Variants in CFDP1 observed in about 807,000 individuals in gnomAD.
CFDP1 encodes chromatin remodeling protein CFDP1, also known as heterochromatin-stabilizing protein CFDP1.
A neutral mutation model predicts 40.1 loss-of-function variants in CFDP1; 31 were observed. The observed-to-expected ratio is 0.77, with a 90% CI of 0.58 to 1.04. CFDP1 has a LOEUF of 1.04. CFDP1 is among the 50% of genes least tolerant of loss of function. The probability of loss-of-function intolerance (pLI) is 0.00; values close to 1 mark genes in which losing one functional copy is unlikely to be tolerated. For missense variants in CFDP1, 423 were observed against 343.4 expected (o/e 1.23, Z -1.83); for synonymous variants, 167 against 120.0 (o/e 1.39, Z -2.56).
chr16:75,363,608 C>T (rs1213065326), intron 5 of CFDP1, among the ~76,000 whole-genome samples: 1 of 152,012 alleles, frequency 6.6e-6, no homozygotes, highest in African/African-American at 2.4e-5. Flanking sequence ...GTTGGTCAGG[C>T]TGATCTCAAA....
intron 5 of CFDP1, among the ~76,000 whole-genome samples, chr16:75,385,425 T>G (rs1323935441): frequency 1.3e-5 from 2 of 152,132 alleles, no homozygotes; most frequent in Non-Finnish European, 1.5e-5. Context: ...ATTTTTACTT[T>G]CTTATTTGTA....
At chr16:75,354,739 C>A (rs2078635615) in intron 5 of CFDP1, among the ~76,000 whole-genome samples, 1 of 152,176 alleles carries the variant, frequency 6.6e-6, no homozygotes, top group African/African-American at 2.4e-5. Context: ...AACAGGGTAT[C>A]CGCAACTGGA....
intron 5 of CFDP1, among the ~76,000 whole-genome samples, chr16:75,345,320 G>C (rs1268717851): frequency 6.6e-6 from 1 of 152,186 alleles, no homozygotes; most frequent in African/African-American, 2.4e-5. Flanking sequence ...AGCTGGGCAT[G>C]GTGGTACATG....
chr16:75,421,407 T>C (rs2079278553), intron 1 of CFDP1, among the ~76,000 whole-genome samples: 1 of 152,012 alleles, frequency 6.6e-6, no homozygotes, highest in Non-Finnish European at 1.5e-5. Flanking sequence ...AAATTATACA[T>C]ACAAAACCCC....
At chr16:75,386,862 TATCTC>T (rs961888759) in intron 5 of CFDP1, among the ~76,000 whole-genome samples, 2 of 152,256 alleles carry the variant, frequency 1.3e-5, no homozygotes, top group Non-Finnish European at 2.9e-5. Context: ...CATTCATACT[TATCTC>T]AGTTACTAGC....
At chr16:75,422,398 T>G (rs1003868182) in intron 1 of CFDP1, among the ~76,000 whole-genome samples, 49 of 100,846 alleles carry the variant, frequency 4.9e-4, no homozygotes, top group African/African-American at 1.9e-3. Flanking sequence ...TATGGCCTCT[T>G]TTTTTTTTTT....
In CFDP1 at chr16:75,412,727, T is replaced by C. The variant is rs1187147361; in HGVS notation, c.210A>G (p.Leu70=). 1 of 1,613,690 alleles carries C rather than the reference T, an allele frequency of 6.2e-7. No homozygotes were observed. Among genetic ancestry groups the C allele is most frequent in the Admixed American group, 1.7e-5 (1 of 60,024 alleles). The stretch of plus-strand genomic sequence containing the variant: ...TGGCATCCTCCTCTTCCTCTTCTTC[T>C]AATGAGAGGCCACCTTGTCTTCTCT... ...ARKRRQGGLS[L]EEEEEEDANS... The change falls in exon 3 of 7, where the codon TTA becomes TTG. Residue 70 remains leucine (L), a synonymous_variant. Transcript: ENST00000283882.
At chr16:75,335,703 C>T (rs1157663703) in intron 5 of CFDP1, among the ~76,000 whole-genome samples, 2 of 152,024 alleles carry the variant, frequency 1.3e-5, no homozygotes, top group Non-Finnish European at 2.9e-5. Flanking sequence ...ACTACAGGCG[C>T]CCGCCACCAT....
intron 5 of CFDP1, among the ~76,000 whole-genome samples, chr16:75,381,601 GGAAAGAAGCCTCA>G (rs1567664111): frequency 1.3e-5 from 2 of 152,292 alleles, no homozygotes; most frequent in Middle Eastern, 3.4e-3. Flanking sequence ...ACACTAGACT[GGAAAGAAGCCTCA>G]GATTTCTAGT....
chr16:75,433,184 C>G, intron 1 of CFDP1, 105 bp downstream of exon 1: 3 of 1,140,726 alleles, frequency 2.6e-6, no homozygotes, highest in Non-Finnish European at 3.8e-6. Flanking sequence ...AGGAGCCCCC[C>G]TGGACCACCT....
At chr16:75,426,808 A>G (rs1427086934) in intron 1 of CFDP1, among the ~76,000 whole-genome samples, 1 of 152,156 alleles carries the variant, frequency 6.6e-6, no homozygotes, top group Non-Finnish European at 1.5e-5. Context: ...TACTCCCAGC[A>G]CTTTGGGAGG....
In CFDP1 at chr16:75,293,988, A is replaced by G. The variant is rs769994226; in HGVS notation, c.864T>C (p.Ile288=). 6.8e-6 allele frequency: 11 copies of G among 1,614,162 alleles called. No individual in the cohort carries two copies. Among genetic ancestry groups the G allele is most frequent in the Middle Eastern group, 1.6e-4 (1 of 6,062 alleles). Residue 288 remains isoleucine (I), a synonymous_variant, in exon 7 of 7, where the codon ATT becomes ATC. Transcript: ENST00000283882. ...LDRVDHRQFE[I]ERDLRLSKMK... ...TTTTGCTCAGCCTGAGATCTCGCTCAATTTCAAACTGCCTGTGATCCACTC... is the reference window on the plus strand; with the variant it reads ...TTTTGCTCAGCCTGAGATCTCGCTCGATTTCAAACTGCCTGTGATCCACTC...
intron 1 of CFDP1, among the ~76,000 whole-genome samples, chr16:75,432,648 A>G (rs2079435998): frequency 6.6e-6 from 1 of 152,180 alleles, no homozygotes; most frequent in Non-Finnish European, 1.5e-5. Flanking sequence ...CTAGTCTTTC[A>G]ACTGAAGATG....
intron 1 of CFDP1, among the ~76,000 whole-genome samples, chr16:75,422,118 C>T (rs1277716948): frequency 6.6e-6 from 1 of 151,920 alleles, no homozygotes; most frequent in African/African-American, 2.4e-5. Context: ...TTTTTTGAGA[C>T]GGAGTTTCGC....
In CFDP1 at chr16:75,428,163, T is replaced by G. The variant is rs1456548817; in HGVS notation, c.64+5126A>C. 1.3e-5 allele frequency among the ~76,000 whole-genome samples: 2 copies of G among 151,098 alleles called. 1 individual carries two copies. The highest frequency in any genetic ancestry group is 2.9e-5 in the Non-Finnish European group (2 of 67,886). ...TTTTTTTTTAAGAGGGTTGACGGCTTGAAACTGTTCATTTTGGTGGAGGTT... is the reference window on the plus strand; with the variant it reads ...TTTTTTTTTAAGAGGGTTGACGGCTGGAAACTGTTCATTTTGGTGGAGGTT... On this transcript the variant is annotated intron_variant, in intron 1 of 6. Coordinates refer to ENST00000283882, the MANE Select transcript of CFDP1 (RefSeq NM_006324.3).
intron 4 of CFDP1, among the ~76,000 whole-genome samples, chr16:75,404,199 T>C (rs781425243): frequency 2.0e-5 from 3 of 151,582 alleles, no homozygotes; most frequent in East Asian, 1.9e-4. Flanking sequence ...AAGGAAAAGG[T>C]TGCCTTACAA....
At chr16:75,340,204 C>T (rs1023025449) in intron 5 of CFDP1, among the ~76,000 whole-genome samples, 5 of 152,194 alleles carry the variant, frequency 3.3e-5, no homozygotes, top group Non-Finnish European at 2.9e-5. Flanking sequence ...AATGCTCCTA[C>T]GATGATCCTG....
At chr16:75,340,230 C>T (rs891987712) in intron 5 of CFDP1, among the ~76,000 whole-genome samples, 1 of 152,186 alleles carries the variant, frequency 6.6e-6, no homozygotes, top group African/African-American at 2.4e-5. Flanking sequence ...GAGGTATCGA[C>T]AACAACCCTG....
At chr16:75,335,044 T>C (rs1674652850) in intron 5 of CFDP1, among the ~76,000 whole-genome samples, 1 of 152,066 alleles carries the variant, frequency 6.6e-6, no homozygotes, top group Non-Finnish European at 1.5e-5. Context: ...TAAGGGCATG[T>C]GTGTGGAAGC....
Sources: gnomAD v4.1 joint callset for allele counts (sites outside exome capture counted in the v4.1 genomes callset) on GRCh38, gnomAD v4.1.1 for gene constraint, MANE v1.5 for transcripts, NCBI Gene and HGNC (gene_info 2026-07-23, HGNC 2026-07-21) for gene names.